SBF2: variants seen among roughly 807,000 people sequenced by gnomAD.
SBF2 encodes myotubularin-related protein 13.
SBF2 carries 112 observed loss-of-function variants against 225.2 expected under a neutral mutation model. The observed-to-expected ratio is 0.50, with a 90% CI of 0.43 to 0.58. SBF2 has a LOEUF of 0.58. SBF2 is among the 20% of genes least tolerant of loss of function. The pLI, the probability that SBF2 is intolerant of heterozygous loss-of-function variation, is 0.00. For synonymous variants in SBF2, 763 were observed against 773.3 expected, an observed-to-expected ratio of 0.99 and a Z score of 0.22; for missense variants, 1,996 against 2,206.2, an observed-to-expected ratio of 0.90 and a Z score of 1.91.
chr11:10,199,365 A>T (rs532365034), intron 1 of SBF2, among the ~76,000 whole-genome samples: 139 of 152,266 alleles, frequency 9.1e-4, no homozygotes, highest in African/African-American at 3.2e-3. Flanking sequence ...ATCACATATC[A>T]CCAAAATACA....
At chr11:9,815,164 G>C (rs1854386319) in intron 29 of SBF2, among the ~76,000 whole-genome samples, 2 of 151,924 alleles carry the variant, frequency 1.3e-5, no homozygotes, top group Non-Finnish European at 2.9e-5. Context: ...ACTTGTCCGG[G>C]TGTAGTGGCT....
In SBF2 at chr11:9,789,172, T is replaced by C; in HGVS notation, c.4869A>G (p.Thr1623=). The part of the protein sequence containing the change: ...GEAGPRSQRR[T]VWPCYDDVSC... ...TGACATCATCATAGCATGGCCACAC[T>C]GTTCTCCTCTGGCTCCGTGGCCCAG... The change falls in exon 35 of 40, where the codon ACA becomes ACG. Residue 1623 remains threonine, a synonymous_variant. Coordinates refer to ENST00000256190, the MANE Select transcript of SBF2 (RefSeq NM_030962.4). The C allele has an allele frequency of 1.2e-6, 2 of 1,614,144 alleles. No homozygotes were observed. Among genetic ancestry groups the C allele is most frequent in the Non-Finnish European group, 1.7e-6 (2 of 1,180,022 alleles).
chr11:10,265,557 T>C (rs955225547), intron 1 of SBF2, among the ~76,000 whole-genome samples: 2 of 151,112 alleles, frequency 1.3e-5, no homozygotes, highest in African/African-American at 2.4e-5. Context: ...TCAATGAATA[T>C]ACAAACATAC....
At chr11:9,931,032 G>A (rs768329341) in intron 16 of SBF2, among the ~76,000 whole-genome samples, 3 of 152,256 alleles carry the variant, frequency 2.0e-5, no homozygotes, top group Non-Finnish European at 4.4e-5. Flanking sequence ...GAACTTTGAG[G>A]TGGCAGCCTG....
chr11:10,196,849 T>C (rs1428722189), intron 1 of SBF2, among the ~76,000 whole-genome samples: 1 of 20,330 alleles, frequency 4.9e-5, no homozygotes, highest in Non-Finnish European at 1.8e-4. Flanking sequence ...TATATATATA[T>C]ATATATATAT....
chr11:10,088,929 T>A (rs1951677974), intron 2 of SBF2, among the ~76,000 whole-genome samples: 1 of 152,210 alleles, frequency 6.6e-6, no homozygotes, highest in Non-Finnish European at 1.5e-5. Context: ...TTGCATATAG[T>A]GGTTGTTCAA....
chr11:10,219,600 T>A (rs1565367537), intron 1 of SBF2, among the ~76,000 whole-genome samples: 1 of 152,220 alleles, frequency 6.6e-6, no homozygotes, highest in Non-Finnish European at 1.5e-5. Flanking sequence ...TTCTATTGCA[T>A]TGTCAGGCTG....
chr11:9,886,804 G>C (rs939815750), intron 17 of SBF2, among the ~76,000 whole-genome samples: 1 of 100,916 alleles, frequency 9.9e-6, no homozygotes, highest in Admixed American at 9.4e-5. Context: ...GGGCACACAT[G>C]TCACAATTTT....
At chr11:10,207,040 G>C (rs991116492) in intron 1 of SBF2, among the ~76,000 whole-genome samples, 8 of 152,050 alleles carry the variant, frequency 5.3e-5, no homozygotes, top group African/African-American at 1.9e-4. Flanking sequence ...TCTACACTAA[G>C]ATACATCATA....
chr11:10,085,285 T>G (rs888648512), intron 2 of SBF2, among the ~76,000 whole-genome samples: 1 of 152,214 alleles, frequency 6.6e-6, no homozygotes, highest in Non-Finnish European at 1.5e-5. Context: ...CAAACTCGTA[T>G]TACATGAATA....
chr11:10,152,957 A>G (rs1354306725), intron 2 of SBF2, among the ~76,000 whole-genome samples: 1 of 152,240 alleles, frequency 6.6e-6, no homozygotes, highest in East Asian at 1.9e-4. Context: ...CATGGCTGAA[A>G]TACAGAATGT....
intron 1 of SBF2, among the ~76,000 whole-genome samples, chr11:10,249,601 CATA>C (rs1467044001): frequency 1.3e-5 from 2 of 151,986 alleles, no homozygotes; most frequent in African/African-American, 4.8e-5. Context: ...AATTCCAGTT[CATA>C]ATATCAAGTG....
At chr11:10,188,154 A>T (rs1957013296) in intron 2 of SBF2, among the ~76,000 whole-genome samples, 1 of 152,218 alleles carries the variant, frequency 6.6e-6, no homozygotes, top group Non-Finnish European at 1.5e-5. Context: ...AACATTTTAT[A>T]ATAAAGAAGA....
chr11:9,827,085 G>A (rs1214772279), intron 28 of SBF2, among the ~76,000 whole-genome samples: 1 of 152,100 alleles, frequency 6.6e-6, no homozygotes, highest in African/African-American at 2.4e-5. Context: ...TGATCTGCTT[G>A]CCTCAGCCTC....
chr11:10,294,312 C>T (rs1378742012), upstream of SBF2: 11 of 344,084 alleles, frequency 3.2e-5, no homozygotes, highest in East Asian at 4.4e-5. Context: ...CACCTCCACC[C>T]TCCGCGGGCC....
At chr11:9,819,357 T>A (rs1282193418) in intron 28 of SBF2, 2 of 152,150 alleles carry the variant, frequency 1.3e-5, no homozygotes, top group East Asian at 3.9e-4. Context: ...TAGCAGCAAA[T>A]GTCAGAGCAG....
intron 28 of SBF2, among the ~76,000 whole-genome samples, chr11:9,821,624 T>C (rs761096913): frequency 6.6e-6 from 1 of 152,224 alleles, no homozygotes; most frequent in African/African-American, 2.4e-5. Flanking sequence ...AAGCTGTGTT[T>C]TTCCAAGCTG....
intron 2 of SBF2, among the ~76,000 whole-genome samples, chr11:10,132,562 C>A (rs376197425): frequency 6.8e-5 from 10 of 147,430 alleles, no homozygotes; most frequent in East Asian, 2.2e-4. Context: ...TTGTTCGTTC[C>A]TCCCGGTGGG....
chr11:10,283,114 A>C (rs935378648), intron 1 of SBF2, among the ~76,000 whole-genome samples: 2 of 152,184 alleles, frequency 1.3e-5, no homozygotes, highest in African/African-American at 2.4e-5. Context: ...AAATGGATCC[A>C]TCCTCTTGAA....
Sources: allele counts gnomAD v4.1 joint callset (sites outside exome capture counted in the v4.1 genomes callset), GRCh38; gene constraint gnomAD v4.1.1; transcripts MANE v1.5; gene names NCBI Gene and HGNC (gene_info 2026-07-23, HGNC 2026-07-21).